The following CSMD1 variants were observed in gnomAD, a reference collection of about 807,000 sequenced individuals.
The protein encoded by CSMD1 is CUB and Sushi multiple domains 1, also known as CUB and sushi domain-containing protein 1.
A neutral mutation model predicts 417.5 loss-of-function variants in CSMD1; 213 were observed. The ratio of observed to expected loss-of-function variants is 0.51; its 90% CI spans 0.46 to 0.57. CSMD1 has a LOEUF of 0.57. Ranked by LOEUF, CSMD1 falls within the 20% of genes least tolerant of loss-of-function variation. The pLI is 0.00. For synonymous variants in CSMD1, 2,862 were observed against 1,736.8 expected, an observed-to-expected ratio of 1.65 and a Z score of -16.11; for missense variants, 6,923 against 4,529.7, an observed-to-expected ratio of 1.53 and a Z score of -15.17.
intron 1 of CSMD1, among the ~76,000 whole-genome samples, chr8:4,702,719 C>A (rs992440473): frequency 3.3e-5 from 5 of 152,016 alleles, no homozygotes; most frequent in Admixed American, 6.6e-5. Context: ...AAAATTCTAC[C>A]GTGTAGAGTT....
rs573399390 is a variant in CSMD1, at chr8:3,348,356, T to G, written c.3305-195A>C. Among the ~76,000 whole-genome samples the G allele has an allele frequency of 1.1e-4, 16 of 152,300 alleles. No individual in the cohort carries two copies. In the South Asian group the frequency reaches 3.3e-3, roughly 32 times the overall value. Reference sequence around the variant, plus strand: ...GACCAAAAAAGATACCCCACCTAGCTCATTTTGAAAATTGTCTTATTAACA... The same window carrying G: ...GACCAAAAAAGATACCCCACCTAGCGCATTTTGAAAATTGTCTTATTAACA... On this transcript the variant is annotated intron_variant, in intron 21 of 69. Transcript: ENST00000635120.
At chr8:4,191,497 C>T (rs1799030467) in intron 3 of CSMD1, among the ~76,000 whole-genome samples, 2 of 152,118 alleles carry the variant, frequency 1.3e-5, no homozygotes, top group Admixed American at 1.3e-4. Context: ...TACTTGTCTG[C>T]AAGATACTGG....
chr8:3,339,347 G>C (rs939909886), intron 23 of CSMD1, among the ~76,000 whole-genome samples: 2 of 151,970 alleles, frequency 1.3e-5, no homozygotes, highest in Non-Finnish European at 2.9e-5. Flanking sequence ...CTGACTATGG[G>C]TTCTCTTCTC....
rs570498111 is a variant in CSMD1, at chr8:4,702,542, A to G, written c.86-64984T>C. Among the ~76,000 whole-genome samples, 4 of 152,346 alleles carry G rather than the reference A, an allele frequency of 2.6e-5. No individual in the cohort carries two copies. The South Asian group carries it at 6.2e-4, about 24-fold the overall frequency. On this transcript the variant is annotated intron_variant, in intron 1 of 69. Transcript: ENST00000635120. Reference sequence around the variant, plus strand: ...ATTTACCAGCTTAAAAAATAAAAAGACATTCATGAATTATAAATCATCTGA... The same window carrying G: ...ATTTACCAGCTTAAAAAATAAAAAGGCATTCATGAATTATAAATCATCTGA...
chr8:4,229,400 G>A (rs559711265), intron 3 of CSMD1, among the ~76,000 whole-genome samples: 1 of 152,256 alleles, frequency 6.6e-6, no homozygotes, highest in South Asian at 2.1e-4. Flanking sequence ...TAGATCACAA[G>A]CTAGATCATA....
chr8:3,466,935 G>C (rs572457804), intron 12 of CSMD1, among the ~76,000 whole-genome samples: 2 of 151,880 alleles, frequency 1.3e-5, no homozygotes, highest in Admixed American at 6.6e-5. Flanking sequence ...TGTTGTATTG[G>C]TTAATGGTTT....
At position 3,181,037 on chromosome 8, in the gene CSMD1, A is replaced by G; in HGVS notation, c.5725+73T>C. 6 of 884,182 alleles carry G rather than the reference A, an allele frequency of 6.8e-6. No individual in the cohort carries two copies. The South Asian group carries it at 7.5e-5, about 11-fold the overall frequency. The allele number at this position is 884,182 out of a possible 1,614,324, so 54.8% of individuals were successfully genotyped here. ...TAATATTTCACTGTTTAATAAGAGC[A>G]TGATTTATTTTTTCTTTAAAAAAAT... On this transcript the variant is annotated intron_variant, in intron 37 of 69. Transcript: ENST00000635120.
At chr8:3,391,477 A>C (rs954424206) in intron 17 of CSMD1, among the ~76,000 whole-genome samples, 1 of 152,248 alleles carries the variant, frequency 6.6e-6, no homozygotes, top group East Asian at 1.9e-4. Context: ...AAAGCAGATG[A>C]TCATTCTGGA....
At chr8:4,236,035 G>GTTTTTTTTTTTT (rs869046913) in intron 3 of CSMD1, among the ~76,000 whole-genome samples, 1 of 112,610 alleles carries the variant, frequency 8.9e-6, no homozygotes, top group African/African-American at 3.9e-5. Context: ...TGTTTTTTTT[G>GTTTTTTTTTTTT]TTTGTTTTTT....
chr8:4,978,124 G>T (rs993495494), intron 1 of CSMD1, among the ~76,000 whole-genome samples: 3 of 152,238 alleles, frequency 2.0e-5, no homozygotes, highest in African/African-American at 4.8e-5. Context: ...CTATTCCAAA[G>T]GTCTCAGTCA....
At chr8:3,992,696 G>T (rs539168020) in intron 5 of CSMD1, among the ~76,000 whole-genome samples, 1 of 152,286 alleles carries the variant, frequency 6.6e-6, no homozygotes, top group Admixed American at 6.5e-5. Context: ...TGGAAGGATG[G>T]CTTCAGTCCA....
chr8:3,735,323 A>C (rs5014195), intron 6 of CSMD1, among the ~76,000 whole-genome samples: 2,760 of 31,822 alleles, frequency 0.087, 30 homozygotes, highest in Non-Finnish European at 0.19. Flanking sequence ...AAAACACACA[A>C]ACACACACAC....
At chr8:4,263,609 A>C (rs1311650263) in intron 3 of CSMD1, among the ~76,000 whole-genome samples, 2 of 152,170 alleles carry the variant, frequency 1.3e-5, no homozygotes, top group South Asian at 4.1e-4. Context: ...TCAACAATCC[A>C]GGAAATTGTC....
At chr8:4,671,087 T>A (rs1363679570) in intron 1 of CSMD1, among the ~76,000 whole-genome samples, 1 of 152,242 alleles carries the variant, frequency 6.6e-6, no homozygotes, top group East Asian at 1.9e-4. Context: ...CCCTGCTGGT[T>A]TGAATCTGTG....
At position 2,950,540 on chromosome 8, in the gene CSMD1, G is replaced by A. The variant is rs550651115; in HGVS notation, c.10202-197C>T. On this transcript the variant is annotated intron_variant, in intron 66 of 69. Transcript: ENST00000635120. ...CCTGAAAATCACTTCTTAAATCCTTGTCTATCTTGAATAGGTATAATCCAC... is the reference window on the plus strand; with the variant it reads ...CCTGAAAATCACTTCTTAAATCCTTATCTATCTTGAATAGGTATAATCCAC... Among the ~76,000 whole-genome samples, 4 of 152,158 alleles carry A rather than the reference G, an allele frequency of 2.6e-5. No homozygotes were observed. In the East Asian group the frequency reaches 7.7e-4, roughly 29 times the overall value.
intron 4 of CSMD1, among the ~76,000 whole-genome samples, chr8:4,023,731 C>G (rs1253485596): frequency 2.0e-5 from 3 of 146,388 alleles, no homozygotes; most frequent in African/African-American, 7.6e-5. Context: ...GGACTACAAG[C>G]GCCCACCGCT....
At chr8:4,796,404 A>G (rs1797985569) in intron 1 of CSMD1, among the ~76,000 whole-genome samples, 1 of 152,008 alleles carries the variant, frequency 6.6e-6, no homozygotes, top group Admixed American at 6.6e-5. Context: ...AAGGGCATTT[A>G]CTTTAGGAAA....
In CSMD1 at chr8:3,780,161, C is replaced by T. The variant is rs1799100492; in HGVS notation, c.819-26119G>A. ...CCATCGGGGTGAAACATAGTATGCACAAATCCAATATGACAGGTTAAAAGT... is the reference window on the plus strand; with the variant it reads ...CCATCGGGGTGAAACATAGTATGCATAAATCCAATATGACAGGTTAAAAGT... On this transcript the variant is annotated intron_variant, in intron 5 of 69. Transcript: ENST00000635120. 2.0e-5 allele frequency among the ~76,000 whole-genome samples: 3 copies of T among 152,184 alleles called. No homozygotes were observed. In the South Asian group the frequency reaches 6.2e-4, roughly 31 times the overall value.
chr8:3,515,065 AAAT>A (rs905878044), intron 10 of CSMD1, among the ~76,000 whole-genome samples: 9 of 152,202 alleles, frequency 5.9e-5, no homozygotes, highest in Non-Finnish European at 1.2e-4. Context: ...TAACTTTTCA[AAAT>A]AATAATACAG....
Sources: allele counts gnomAD v4.1 joint callset (sites outside exome capture counted in the v4.1 genomes callset), GRCh38; gene constraint gnomAD v4.1.1; transcripts MANE v1.5; gene names NCBI Gene and HGNC (gene_info 2026-07-23, HGNC 2026-07-21).